UVRAG: variants seen among roughly 807,000 people sequenced by gnomAD.
The protein encoded by UVRAG is UV radiation resistance-associated gene protein.
A neutral mutation model predicts 78.0 loss-of-function variants in UVRAG; 19 were observed. The ratio of observed to expected loss-of-function variants is 0.24; its 90% CI spans 0.17 to 0.36. The LOEUF (loss-of-function observed/expected upper bound fraction) is 0.36. Ranked by LOEUF, UVRAG falls within the 10% of genes least tolerant of loss-of-function variation. The pLI is 1.00. For synonymous variants in UVRAG, 323 were observed against 324.6 expected, an observed-to-expected ratio of 1.00 and a Z score of 0.05; for missense variants, 740 against 853.8, an observed-to-expected ratio of 0.87 and a Z score of 1.66.
intron 2 of UVRAG, among the ~76,000 whole-genome samples, chr11:75,855,213 G>A (rs1337266243): frequency 1.3e-5 from 2 of 152,162 alleles, no homozygotes; most frequent in African/African-American, 4.8e-5. Context: ...GAATTTAGGA[G>A]TTGTCATTGA....
intron 5 of UVRAG, among the ~76,000 whole-genome samples, chr11:75,898,148 C>T (rs192749237): frequency 0.01 from 1,597 of 152,236 alleles, 13 homozygotes; most frequent in Non-Finnish European, 0.016. Context: ...GGATTACAGG[C>T]GTGAGCCACT....
chr11:75,981,444 T>C (rs751032355), intron 7 of UVRAG, among the ~76,000 whole-genome samples: 1 of 147,938 alleles, frequency 6.8e-6, no homozygotes, highest in South Asian at 2.1e-4. Context: ...ACTATTTCTT[T>C]TCTTTTCGTT....
chr11:76,123,251 G>A (rs1382218201), intron 14 of UVRAG, among the ~76,000 whole-genome samples: 1 of 152,190 alleles, frequency 6.6e-6, no homozygotes, highest in Non-Finnish European at 1.5e-5. Flanking sequence ...TGCGAAATCA[G>A]GCAGCAGGCC....
intron 6 of UVRAG, among the ~76,000 whole-genome samples, chr11:75,932,420 G>A (rs539775853): frequency 3.6e-4 from 55 of 152,154 alleles, no homozygotes; most frequent in African/African-American, 1.3e-3. Context: ...GAATAGCTGG[G>A]ACTACAGGCG....
intron 13 of UVRAG, among the ~76,000 whole-genome samples, chr11:76,087,036 A>G (rs973164442): frequency 2.0e-5 from 3 of 152,240 alleles, no homozygotes; most frequent in Non-Finnish European, 4.4e-5. Flanking sequence ...AAGCCCTAAC[A>G]TAAATTATTG....
chr11:75,878,670 C>T (rs1946865693), intron 3 of UVRAG, among the ~76,000 whole-genome samples: 1 of 152,212 alleles, frequency 6.6e-6, no homozygotes, highest in African/African-American at 2.4e-5. Context: ...ACCAGCCCGG[C>T]TAACACAGGG....
chr11:76,010,340 A>G (rs1431295499), intron 11 of UVRAG, among the ~76,000 whole-genome samples: 2 of 152,226 alleles, frequency 1.3e-5, no homozygotes, highest in Non-Finnish European at 2.9e-5. Flanking sequence ...GAGACAGCCA[A>G]TAAACAAGAA....
chr11:76,064,121 G>A (rs1413347703), intron 12 of UVRAG, among the ~76,000 whole-genome samples: 1 of 152,140 alleles, frequency 6.6e-6, no homozygotes, highest in African/African-American at 2.4e-5. Context: ...CAATTTTTTA[G>A]GAATGTTGAA....
chr11:75,889,616 A>T (rs1947173399), intron 5 of UVRAG, among the ~76,000 whole-genome samples: 1 of 152,184 alleles, frequency 6.6e-6, no homozygotes, highest in Non-Finnish European at 1.5e-5. Flanking sequence ...GCTCTTAGTG[A>T]TCATGTTGCT....
Position 75,947,797 on chromosome 11 carries a change from A to G in UVRAG, c.594-13647A>G, listed in dbSNP as rs367757157. Among the ~76,000 whole-genome samples, 9 of 152,326 alleles carry G rather than the reference A, an allele frequency of 5.9e-5. No individual in the cohort carries two copies. The South Asian group carries it at 1.9e-3, about 32-fold the overall frequency. ...CCAGCTTCAGTTTTCTCACAGGTAG[A>G]ACGGGAATGATTACGTCTATGGATT... On this transcript the variant is annotated intron_variant, in intron 6 of 14. Coordinates refer to ENST00000356136, the MANE Select transcript of UVRAG (RefSeq NM_003369.4).
At chr11:76,050,390 T>G (rs1950841286) in intron 12 of UVRAG, among the ~76,000 whole-genome samples, 1 of 152,202 alleles carries the variant, frequency 6.6e-6, no homozygotes, top group South Asian at 2.1e-4. Context: ...ACTTAATATA[T>G]TCATTTGTTT....
intron 1 of UVRAG, among the ~76,000 whole-genome samples, chr11:75,841,983 G>A (rs191752419): frequency 2.6e-5 from 4 of 152,292 alleles, no homozygotes; most frequent in South Asian, 2.1e-4. Context: ...TGGAGGCTCC[G>A]AGCCTCAGGA....
At chr11:75,986,612 T>G (rs980832829) in intron 8 of UVRAG, among the ~76,000 whole-genome samples, 3 of 152,186 alleles carry the variant, frequency 2.0e-5, no homozygotes, top group Non-Finnish European at 4.4e-5. Flanking sequence ...AAAAATCGGA[T>G]TATTGAGATA....
intron 1 of UVRAG, among the ~76,000 whole-genome samples, chr11:75,817,436 G>A (rs1388650412): frequency 2.0e-5 from 3 of 152,160 alleles, no homozygotes; most frequent in African/African-American, 7.2e-5. Flanking sequence ...TTTTGGATTG[G>A]TGCCGAGGGA....
chr11:75,989,706 CT>C (rs1949569100), intron 8 of UVRAG, among the ~76,000 whole-genome samples: 1 of 152,210 alleles, frequency 6.6e-6, no homozygotes, highest in African/African-American at 2.4e-5. Flanking sequence ...CTCCTTGAGG[CT>C]TTTTTCTCCC....
Position 76,009,360 on chromosome 11 carries a change from G to C in UVRAG, c.1060+493G>C, listed in dbSNP as rs560690986. Among the ~76,000 whole-genome samples the C allele has an allele frequency of 2.6e-5, 4 of 152,158 alleles. No individual in the cohort carries two copies. In the South Asian group the frequency reaches 8.3e-4, roughly 32 times the overall value. ...TATCTTTTAACTAAAAATAAAGAAAGAAATTACATTAAAGGTATTATAGAA... is the reference window on the plus strand; with the variant it reads ...TATCTTTTAACTAAAAATAAAGAAACAAATTACATTAAAGGTATTATAGAA... On this transcript the variant is annotated intron_variant, in intron 11 of 14. Transcript: ENST00000356136.
chr11:75,820,219 C>T (rs957606432), intron 1 of UVRAG, among the ~76,000 whole-genome samples: 6 of 152,170 alleles, frequency 3.9e-5, no homozygotes, highest in Admixed American at 6.5e-5. Context: ...CTCAAGATAT[C>T]CTCCCGCCTT....
intron 1 of UVRAG, among the ~76,000 whole-genome samples, chr11:75,837,152 A>AC (rs1344035180): frequency 6.6e-6 from 1 of 151,974 alleles, no homozygotes; most frequent in African/African-American, 2.4e-5. Context: ...ACAGGGTGAA[A>AC]CCCCATCCAC....
intron 8 of UVRAG, among the ~76,000 whole-genome samples, chr11:75,999,409 G>A (rs563842892): frequency 1.3e-5 from 2 of 151,996 alleles, no homozygotes; most frequent in East Asian, 3.9e-4. Flanking sequence ...TTGAGACAGA[G>A]TCTCACTCTG....
Sources: allele counts gnomAD v4.1 joint callset (sites outside exome capture counted in the v4.1 genomes callset), GRCh38; gene constraint gnomAD v4.1.1; transcripts MANE v1.5; gene names NCBI Gene and HGNC (gene_info 2026-07-23, HGNC 2026-07-21).